Variants in OGG1 observed in about 807,000 individuals in gnomAD.
OGG1 encodes the protein 8-oxoguanine DNA glycosylase.
OGG1 carries 35 observed loss-of-function variants against 42.3 expected under a neutral mutation model. That is an observed-to-expected ratio of 0.83 (90% CI 0.63 to 1.10). OGG1 has a LOEUF of 1.10. OGG1 is among the 50% of genes least tolerant of loss of function. The pLI, the probability that OGG1 is intolerant of heterozygous loss-of-function variation, is 0.00. For missense variants in OGG1, 484 were observed against 446.7 expected, an observed-to-expected ratio of 1.08 and a Z score of -0.75; for synonymous variants, 189 against 179.0, an observed-to-expected ratio of 1.06 and a Z score of -0.44.
At chr3:9,757,894 G>A, downstream of OGG1, 1 of 1,561,822 alleles carries the variant, frequency 6.4e-7, no homozygotes, top group Non-Finnish European at 8.7e-7. The surrounding 1 kb of genome is among the most constrained non-coding windows in gnomAD (Gnocchi z 4.5). Context: ...ACTTTTGAGA[G>A]AGTCAAGTCA....
At position 9,784,064 on chromosome 3, in the gene OGG1, C is replaced by G. The variant is rs199623817; in HGVS notation, c.382+2464C>G. On this transcript the variant is annotated intron_variant, in intron 3 of 3. Coordinates refer to the OGG1 transcript ENST00000426518. ...GTGCTTCTTGGTGCGGTTGTGGGCA[C>G]TAAGTGCCTTCAGCTCAGCCTGCCG... 2.7e-5 allele frequency: 43 copies of G among 1,614,188 alleles called. No individual in the cohort carries two copies. The highest frequency in any genetic ancestry group is 2.5e-4 in the Admixed American group (15 of 60,018).
exon 8 of OGG1, chr3:9,766,592 A>C (rs1559705251): frequency 9.9e-7 from 1 of 1,009,064 alleles, no homozygotes. Flanking sequence ...ATTGAACTTT[A>C]AGAAGCAGTG....
chr3:9,777,325 A>G (rs1264444129), intron 2 of OGG1, among the ~76,000 whole-genome samples: 2 of 152,192 alleles, frequency 1.3e-5, no homozygotes, highest in Non-Finnish European at 2.9e-5. Context: ...CGCCCTCCTC[A>G]TGACAACCCA....
intron 2 of OGG1, among the ~76,000 whole-genome samples, chr3:9,778,296 C>G (rs1011236226): frequency 6.6e-6 from 1 of 152,246 alleles, no homozygotes; most frequent in African/African-American, 2.4e-5. Flanking sequence ...CAATGAGTCA[C>G]TGAGAAATTG....
downstream of OGG1, chr3:9,761,544 G>A (rs758128460): frequency 6.2e-7 from 1 of 1,613,492 alleles, no homozygotes; most frequent in South Asian, 1.1e-5. Flanking sequence ...GGGCTGTGGA[G>A]GGAAGAGGAC....
In OGG1 at chr3:9,757,302, A is replaced by T; in HGVS notation, c.*152A>T. On this transcript the variant is annotated 3_prime_UTR_variant, in exon 7 of 7. Coordinates refer to ENST00000344629, the MANE Select transcript of OGG1 (RefSeq NM_002542.6). This position sits in a 1 kb window ranked among gnomAD's most constrained non-coding sequence, Gnocchi z 4.5. Reference sequence around the variant, plus strand: ...CCCCCAAATCAAGCAGTCAGTTTGCACAACAAGATGGGGTGGGGGATATTG... The same window carrying T: ...CCCCCAAATCAAGCAGTCAGTTTGCTCAACAAGATGGGGTGGGGGATATTG... 1 of 1,614,170 alleles carries T rather than the reference A, an allele frequency of 6.2e-7. No individual in the cohort carries two copies. The highest frequency in any genetic ancestry group is 8.5e-7 in the Non-Finnish European group (1 of 1,180,036).
chr3:9,759,233 G>A, downstream of OGG1: 1 of 1,614,174 alleles, frequency 6.2e-7, no homozygotes, highest in Non-Finnish European at 8.5e-7. Context: ...GGACCCCATA[G>A]GCTGGATCAG....
Position 9,784,340 on chromosome 3 carries a change from A to C in OGG1, c.382+2740A>C, listed in dbSNP as rs2078553813. 29 of 1,225,848 alleles carry C rather than the reference A, an allele frequency of 2.4e-5. No homozygotes were observed. In the South Asian group the frequency reaches 4.7e-4, roughly 20 times the overall value. The allele number at this position is 1,225,848 out of a possible 1,614,324, so 75.9% of individuals were successfully genotyped here. On this transcript the variant is annotated intron_variant, in intron 3 of 3. Coordinates refer to the OGG1 transcript ENST00000426518. Reference sequence around the variant, plus strand: ...CCCTTTGGGCACCCCCTCTGTATCTATCCAGATACAAAGGGAGGGACAGAC... The same window carrying C: ...CCCTTTGGGCACCCCCTCTGTATCTCTCCAGATACAAAGGGAGGGACAGAC...
At chr3:9,756,366 G>C in intron 4 of OGG1, 105 bp from the exon 5 acceptor site, 1 of 1,123,794 alleles carries the variant, frequency 8.9e-7, no homozygotes, top group Non-Finnish European at 1.3e-6. Flanking sequence ...TAGAACAACA[G>C]TAACCCCAGA....
chr3:9,789,894 C>T, downstream of OGG1: 13 of 1,614,236 alleles, frequency 8.1e-6, no homozygotes, highest in Non-Finnish European at 8.5e-6. Flanking sequence ...GGGGGAGCTC[C>T]AAGTTCATGG....
intron 7 of OGG1, chr3:9,763,122 G>A (rs1457345135): frequency 1.2e-6 from 2 of 1,614,200 alleles, no homozygotes; most frequent in East Asian, 2.2e-5. Context: ...GGGCAGGGCA[G>A]AGGTTGGGCC....
Position 9,750,189 on chromosome 3 carries a change from T to G in OGG1, c.-98T>G. On this transcript the variant is annotated 5_prime_UTR_variant, in exon 1 of 7. Coordinates refer to ENST00000344629, the MANE Select transcript of OGG1 (RefSeq NM_002542.6). ...TAAACAGCACCGTGTGGGCGAGGCC[T>G]TAAGGGTCGTGGTCCTTGTCTGGGC... The G allele has an allele frequency of 6.8e-7, 1 of 1,477,758 alleles. No individual in the cohort carries two copies. Among genetic ancestry groups the G allele is most frequent in the Non-Finnish European group, 9.1e-7 (1 of 1,099,422 alleles). The allele number at this position is 1,477,758 out of a possible 1,614,324, so 91.5% of individuals were successfully genotyped here.
At chr3:9,775,100 C>T (rs997125514) in intron 2 of OGG1, among the ~76,000 whole-genome samples, 3 of 151,638 alleles carry the variant, frequency 2.0e-5, no homozygotes, top group South Asian at 4.2e-4. Flanking sequence ...ATTAGCTGGG[C>T]GTGGTGGCAC....
chr3:9,783,363 A>G (rs893319939), intron 3 of OGG1: 3 of 151,664 alleles, frequency 2.0e-5, no homozygotes, highest in Non-Finnish European at 2.9e-5. Flanking sequence ...CTTGTTGCCC[A>G]GGCTGGAATG....
intron 7 of OGG1, chr3:9,763,372 C>T (rs958048268): frequency 3.8e-6 from 1 of 261,388 alleles, no homozygotes; most frequent in African/African-American, 2.3e-5. Flanking sequence ...CCACTGCACT[C>T]CAGCCTGGGC....
exon 8 of OGG1, chr3:9,766,407 C>A (rs568992560): frequency 9.7e-6 from 5 of 513,152 alleles, no homozygotes; most frequent in African/African-American, 5.8e-5. Context: ...CCCTTTAGAA[C>A]CTTAAAGAAC....
At chr3:9,756,328 C>A in intron 4 of OGG1, 143 bp from the exon 5 acceptor site, 1 of 809,068 alleles carries the variant, frequency 1.2e-6, no homozygotes. Flanking sequence ...AAAGTGTATT[C>A]ATAGATAGTA....
chr3:9,768,854 G>T (rs1323130010), downstream of OGG1, among the ~76,000 whole-genome samples: 1 of 152,094 alleles, frequency 6.6e-6, no homozygotes, highest in Non-Finnish European at 1.5e-5. Flanking sequence ...TTTCCCAGGG[G>T]ACCCTGCCCA....
chr3:9,780,983 A>T (rs188790083), intron 2 of OGG1, among the ~76,000 whole-genome samples: 3 of 152,216 alleles, frequency 2.0e-5, no homozygotes, highest in African/African-American at 4.8e-5. Context: ...CAAAAAATTT[A>T]AAAAATTAGC....
Sources: allele counts gnomAD v4.1 joint callset (sites outside exome capture counted in the v4.1 genomes callset), GRCh38; gene constraint gnomAD v4.1.1; non-coding constraint Gnocchi (gnomAD v3.1); transcripts MANE v1.5; gene names NCBI Gene and HGNC (gene_info 2026-07-23, HGNC 2026-07-21).